KAZN: variants seen among roughly 807,000 people sequenced by gnomAD.
KAZN encodes the protein kazrin, periplakin interacting protein, also known as kazrin.
A neutral mutation model predicts 87.4 loss-of-function variants in KAZN; 40 were observed. That is an observed-to-expected ratio of 0.46 (90% CI 0.36 to 0.60). KAZN has a LOEUF of 0.60. Ranked by LOEUF, KAZN falls within the 20% of genes least tolerant of loss-of-function variation. The probability of loss-of-function intolerance (pLI) is 0.00; values close to 1 mark genes in which losing one functional copy is unlikely to be tolerated. For missense variants in KAZN, 898 were observed against 1,073.9 expected (o/e 0.84, Z 2.29); for synonymous variants, 466 against 458.3 (o/e 1.02, Z -0.22).
intron 1 of KAZN, among the ~76,000 whole-genome samples, chr1:14,156,817 G>A (rs1408868580): frequency 6.6e-6 from 1 of 151,016 alleles, no homozygotes; most frequent in African/African-American, 2.4e-5. Context: ...TCATTGGAGA[G>A]TTTAGTCCAT....
intron 1 of KAZN, among the ~76,000 whole-genome samples, chr1:14,093,237 A>G (rs1172968609): frequency 6.6e-6 from 1 of 152,160 alleles, no homozygotes; most frequent in African/African-American, 2.4e-5. Flanking sequence ...CATCCTTTGC[A>G]GTTTGGGGCA....
At chr1:14,084,288 G>T (rs1222566111) in intron 1 of KAZN, among the ~76,000 whole-genome samples, 2 of 152,184 alleles carry the variant, frequency 1.3e-5, no homozygotes, top group African/African-American at 2.4e-5. Context: ...TGGAGGGAGG[G>T]AACTCTGGAA....
chr1:14,325,392 T>C (rs1656337932), intron 2 of KAZN, among the ~76,000 whole-genome samples: 1 of 152,176 alleles, frequency 6.6e-6, no homozygotes, highest in Non-Finnish European at 1.5e-5. Flanking sequence ...TTATTCCATG[T>C]TTAGACTATT....
chr1:14,272,540 G>C (rs12077051), intron 2 of KAZN, among the ~76,000 whole-genome samples: 47,202 of 151,950 alleles, frequency 0.31, 7,921 homozygotes, highest in Middle Eastern at 0.43. Context: ...TGGGTGCCTT[G>C]CTCCAAAGAG....
chr1:13,946,354 C>T (rs1046053911), intron 1 of KAZN, among the ~76,000 whole-genome samples: 3 of 152,122 alleles, frequency 2.0e-5, no homozygotes, highest in Admixed American at 1.3e-4. Context: ...GGTTTCAAAA[C>T]GGGATTTTCC....
chr1:14,676,694 A>C (rs1640240343), intron 1 of KAZN, among the ~76,000 whole-genome samples: 1 of 152,190 alleles, frequency 6.6e-6, no homozygotes, highest in Non-Finnish European at 1.5e-5. Flanking sequence ...AAAAAGCCAG[A>C]CACAAAAGGC....
intron 2 of KAZN, among the ~76,000 whole-genome samples, chr1:14,498,145 A>G (rs1034243434): frequency 6.6e-6 from 1 of 152,144 alleles, no homozygotes; most frequent in East Asian, 1.9e-4. Context: ...CTTCTTTCAC[A>G]TTACCATAGC....
At chr1:14,290,409 G>T (rs1653588476) in intron 2 of KAZN, among the ~76,000 whole-genome samples, 1 of 151,936 alleles carries the variant, frequency 6.6e-6, no homozygotes. Context: ...TTCTCTTCCT[G>T]CTTTATTTCA....
chr1:14,442,475 G>A (rs376537416), intron 2 of KAZN, among the ~76,000 whole-genome samples: 101 of 152,302 alleles, frequency 6.6e-4, no homozygotes, highest in African/African-American at 1.8e-3. Flanking sequence ...AGGACCTGCT[G>A]AAACCCCTAA....
chr1:14,702,615 A>C (rs35249896), intron 1 of KAZN, among the ~76,000 whole-genome samples: 1 of 152,130 alleles, frequency 6.6e-6, no homozygotes, highest in Non-Finnish European at 1.5e-5. Flanking sequence ...TGGGTGATAC[A>C]CAATACACAG....
In KAZN at chr1:15,066,135, G is replaced by A. The variant is rs1041356384; in HGVS notation, c.1222+382G>A. The A allele has an allele frequency of 1.6e-5, 17 of 1,067,414 alleles. No individual in the cohort carries two copies. Among genetic ancestry groups the A allele is most frequent in the African/African-American group, 3.3e-5 (2 of 60,276 alleles). 66.1% of individuals were successfully genotyped at this position (1,067,414 alleles called of 1,614,324 possible). ...TTTTCTTTTTCTTTTTGTTTGGTTC[G>A]TCGGTTTGTTTTTGTTTTTGTTTTT... On this transcript the variant is annotated intron_variant, in intron 8 of 14. Coordinates refer to ENST00000376030, the MANE Select transcript of KAZN (RefSeq NM_201628.3). This position sits in a 1 kb window ranked among gnomAD's most constrained non-coding sequence, Gnocchi z 4.3.
At chr1:14,195,511 TCACACACACACACACA>T (rs55792359) in intron 2 of KAZN, among the ~76,000 whole-genome samples, 170 of 146,188 alleles carry the variant, frequency 1.2e-3, no homozygotes, top group South Asian at 0.01. Flanking sequence ...CAAAAACGGC[TCACACACACACACACA>T]CACACACACA....
chr1:15,005,566 G>T (rs1243148830), intron 2 of KAZN, among the ~76,000 whole-genome samples: 2 of 152,112 alleles, frequency 1.3e-5, no homozygotes, highest in East Asian at 3.9e-4. Context: ...CAGGTGGATC[G>T]CTTGAGGTCA....
At chr1:14,131,662 A>G (rs7540072) in intron 1 of KAZN, among the ~76,000 whole-genome samples, 86,494 of 151,544 alleles carry the variant, frequency 0.57, 25,912 homozygotes, top group East Asian at 0.76. Context: ...AAAGTGGAGT[A>G]GAAAAAATCC....
intron 2 of KAZN, among the ~76,000 whole-genome samples, chr1:14,548,568 T>C (rs1253657116): frequency 6.6e-6 from 1 of 152,222 alleles, no homozygotes; most frequent in African/African-American, 2.4e-5. Flanking sequence ...CTATTTTACA[T>C]ATCTTGAATA....
chr1:15,094,110 G>A lies in KAZN; in HGVS notation c.1223-70G>A, dbSNP rs1311413881. 2.1e-6 allele frequency: 3 copies of A among 1,428,104 alleles called. No individual in the cohort carries two copies. The highest frequency in any genetic ancestry group is 2.3e-5 in the East Asian group (1 of 42,994). 88.5% of individuals were successfully genotyped at this position (1,428,104 alleles called of 1,614,324 possible). On this transcript the variant is annotated intron_variant, in intron 8 of 14. Transcript: ENST00000376030. The surrounding 1 kb of genome is among the most constrained non-coding windows in gnomAD (Gnocchi z 4.5). ...TCCCCACCACCCTCTGCCTCCCGGG[G>A]GTATGGCCTGCCCAGCCCCTGCCCC...
intron 2 of KAZN, among the ~76,000 whole-genome samples, chr1:14,384,561 C>T (rs1171656326): frequency 1.3e-5 from 2 of 152,142 alleles, no homozygotes; most frequent in Non-Finnish European, 2.9e-5. Context: ...TTTTCTGCCT[C>T]TATTGAGATA....
intron 2 of KAZN, among the ~76,000 whole-genome samples, chr1:14,445,407 G>A (rs1336354182): frequency 6.6e-6 from 1 of 152,140 alleles, no homozygotes; most frequent in Non-Finnish European, 1.5e-5. Context: ...CACAAGCCGA[G>A]AAGGAAGTAA....
At chr1:14,431,108 T>C (rs1419280798) in intron 2 of KAZN, among the ~76,000 whole-genome samples, 1 of 152,180 alleles carries the variant, frequency 6.6e-6, no homozygotes, top group Non-Finnish European at 1.5e-5. Flanking sequence ...GGTGACCAAA[T>C]GAATACGCAT....
Sources: allele counts gnomAD v4.1 joint callset (sites outside exome capture counted in the v4.1 genomes callset), GRCh38; gene constraint gnomAD v4.1.1; non-coding constraint Gnocchi (gnomAD v3.1); transcripts MANE v1.5; gene names NCBI Gene and HGNC (gene_info 2026-07-23, HGNC 2026-07-21).